Variants in GSE1 observed in about 807,000 individuals in gnomAD.
GSE1 encodes the protein Gse1 coiled-coil protein.
A neutral mutation model predicts 112.6 loss-of-function variants in GSE1; 32 were observed. The observed-to-expected ratio is 0.28, with a 90% CI of 0.21 to 0.38. The LOEUF (loss-of-function observed/expected upper bound fraction) is 0.38, where lower values mean the gene tolerates loss of function less well. Ranked by LOEUF, GSE1 falls within the 10% of genes least tolerant of loss-of-function variation. GSE1 has a pLI of 1.00. For synonymous variants in GSE1, 1,115 were observed against 735.6 expected, an observed-to-expected ratio of 1.52 and a Z score of -8.35; for missense variants, 2,348 against 1,699.2, an observed-to-expected ratio of 1.38 and a Z score of -6.71.
intron 1 of GSE1, among the ~76,000 whole-genome samples, chr16:85,201,310 A>G (rs2075024186): frequency 2.0e-5 from 3 of 147,580 alleles, no homozygotes; most frequent in Non-Finnish European, 4.5e-5. Context: ...GGCTCGAGTG[A>G]TCCTTGCAAC....
Position 85,617,560 on chromosome 16 carries a change from C to T in GSE1, c.7+4162C>T, listed in dbSNP as rs537302498. Among the ~76,000 whole-genome samples, 39 of 146,292 alleles carry T rather than the reference C, an allele frequency of 2.7e-4. No homozygotes were observed. The South Asian group carries it at 7.3e-3, about 27-fold the overall frequency. On this transcript the variant is annotated intron_variant, in intron 1 of 15. Coordinates refer to ENST00000253458, the MANE Select transcript of GSE1 (RefSeq NM_014615.5). ...CTGCCAGGCAGTTCAGGCCAAATCT[C>T]GGAGGGATGCAGCCTGGGCATCCGT...
chr16:85,272,285 C>A (rs934297532), intron 1 of GSE1, among the ~76,000 whole-genome samples: 2 of 152,248 alleles, frequency 1.3e-5, no homozygotes, highest in Non-Finnish European at 2.9e-5. Flanking sequence ...TGGGACGATC[C>A]GTTTTTCCAT....
chr16:85,567,833 C>CCT, intron 1 of GSE1, among the ~76,000 whole-genome samples: 1 of 152,304 alleles, frequency 6.6e-6, no homozygotes, highest in Non-Finnish European at 1.5e-5. Context: ...AGTGATCCTC[C>CCT]TGCCTCAGCC....
intron 1 of GSE1, among the ~76,000 whole-genome samples, chr16:85,355,094 C>T (rs2046924484): frequency 6.6e-6 from 1 of 152,206 alleles, no homozygotes; most frequent in South Asian, 2.1e-4. Flanking sequence ...TAAATTAAAG[C>T]ATTCCCGGAA....
At chr16:85,607,046 G>C (rs1416457543), upstream of GSE1, among the ~76,000 whole-genome samples, 1 of 135,382 alleles carries the variant, frequency 7.4e-6, no homozygotes, top group Non-Finnish European at 1.5e-5. Flanking sequence ...CCCATATCTG[G>C]ATACTGGAGA....
intron 1 of GSE1, among the ~76,000 whole-genome samples, chr16:85,264,031 A>G (rs950039799): frequency 2.0e-5 from 3 of 152,088 alleles, no homozygotes; most frequent in African/African-American, 4.8e-5. Flanking sequence ...TCTCTCCCCC[A>G]GTGAGGGCTC....
At chr16:85,196,904 C>T (rs2074938204) in intron 1 of GSE1, among the ~76,000 whole-genome samples, 1 of 152,006 alleles carries the variant, frequency 6.6e-6, no homozygotes. Flanking sequence ...GGTTTCTCCC[C>T]TGTGAATATG....
intron 1 of GSE1, among the ~76,000 whole-genome samples, chr16:85,252,488 C>T (rs1906596966): frequency 6.6e-6 from 1 of 152,256 alleles, no homozygotes; most frequent in South Asian, 2.1e-4. Flanking sequence ...TCCCCTGAGC[C>T]CCTTGGGCAC....
At chr16:85,266,255 G>A (rs193008525) in intron 1 of GSE1, among the ~76,000 whole-genome samples, 29 of 152,280 alleles carry the variant, frequency 1.9e-4, no homozygotes, top group African/African-American at 4.6e-4. Flanking sequence ...CTGGGCATGC[G>A]TCCTCTCTCT....
chr16:85,632,691 C>T (rs983823378), intron 1 of GSE1, among the ~76,000 whole-genome samples: 7 of 152,124 alleles, frequency 4.6e-5, no homozygotes, highest in Non-Finnish European at 4.4e-5. Context: ...TTGCCCTTAC[C>T]CCATAGGAAG....
intron 2 of GSE1, among the ~76,000 whole-genome samples, chr16:85,471,615 T>C (rs1324689775): frequency 6.6e-6 from 1 of 152,200 alleles, no homozygotes; most frequent in African/African-American, 2.4e-5. Context: ...GGTCTCGCTA[T>C]GTTGCCCAGA....
At chr16:85,418,798 G>A (rs1339399426) in intron 2 of GSE1, among the ~76,000 whole-genome samples, 2 of 152,230 alleles carry the variant, frequency 1.3e-5, no homozygotes, top group Non-Finnish European at 2.9e-5. Flanking sequence ...CAGGACCAGG[G>A]TGGCAGCTTT....
At chr16:85,340,211 G>A (rs943500505) in intron 1 of GSE1, among the ~76,000 whole-genome samples, 6 of 152,156 alleles carry the variant, frequency 3.9e-5, no homozygotes, top group South Asian at 4.1e-4. Flanking sequence ...TTAGCCGGGT[G>A]TGGTGGCGTG....
intron 2 of GSE1, among the ~76,000 whole-genome samples, chr16:85,538,332 T>A (rs1193333994): frequency 6.6e-6 from 1 of 152,152 alleles, no homozygotes; most frequent in Non-Finnish European, 1.5e-5. Flanking sequence ...AGACGGAAGC[T>A]TTTCTCCCTG....
exon 1 of GSE1, chr16:85,556,234 T>C: frequency 1.0e-6 from 1 of 984,994 alleles, no homozygotes; most frequent in Non-Finnish European, 1.2e-6. Flanking sequence ...TTGAGCGCCG[T>C]GGCTTGAACG....
In GSE1 at chr16:85,617,905, C is replaced by T. The variant is rs1044024889; in HGVS notation, c.7+4507C>T. On this transcript the variant is annotated intron_variant, in intron 1 of 15. Coordinates refer to ENST00000253458, the MANE Select transcript of GSE1 (RefSeq NM_014615.5). The stretch of plus-strand genomic sequence containing the variant: ...TGACTCAGAAATGGACGTCTCCCCT[C>T]TACGCCACCTCCCCCGCAGGACGGC... 2.6e-5 allele frequency among the ~76,000 whole-genome samples: 4 copies of T among 152,170 alleles called. No homozygotes were observed. The South Asian group carries it at 8.3e-4, about 32-fold the overall frequency.
At chr16:85,532,886 G>A (rs2044182412) in intron 2 of GSE1, among the ~76,000 whole-genome samples, 1 of 152,178 alleles carries the variant, frequency 6.6e-6, no homozygotes, top group African/African-American at 2.4e-5. Context: ...CTGCGCCTGT[G>A]GCCCCTGGTT....
intron 1 of GSE1, among the ~76,000 whole-genome samples, chr16:85,176,095 C>T (rs1215227675): frequency 6.6e-6 from 1 of 152,158 alleles, no homozygotes; most frequent in African/African-American, 2.4e-5. Context: ...CTCAAGCAAA[C>T]CTCCCACCCC....
intron 2 of GSE1, among the ~76,000 whole-genome samples, chr16:85,394,921 G>A (rs2047932139): frequency 6.6e-6 from 1 of 152,176 alleles, no homozygotes; most frequent in Admixed American, 6.5e-5. Flanking sequence ...CACTCTGGAA[G>A]CTCAATGGGG....
Sources: allele counts gnomAD v4.1 joint callset (sites outside exome capture counted in the v4.1 genomes callset), GRCh38; gene constraint gnomAD v4.1.1; transcripts MANE v1.5; gene names NCBI Gene and HGNC (gene_info 2026-07-23, HGNC 2026-07-21).